IGFL2: variants seen among roughly 807,000 people sequenced by gnomAD.
The protein encoded by IGFL2 is insulin growth factor-like family member 2.
In IGFL2, 7 loss-of-function variants were observed where a neutral mutation model predicts 13.9. That is an observed-to-expected ratio of 0.51 (90% confidence interval 0.29 to 0.95). The LOEUF (loss-of-function observed/expected upper bound fraction) is 0.95. Among genes scored for constraint, IGFL2 ranks in the 40% least tolerant of loss-of-function variants. The pLI is 0.08. For missense variants in IGFL2, 138 were observed against 147.8 expected (o/e 0.93, Z 0.34); for synonymous variants, 55 against 55.8 (o/e 0.99, Z 0.07).
chr19:46,177,993 G>A, the IGFL2 span, among the ~76,000 whole-genome samples: 2 of 152,036 alleles, frequency 1.3e-5, no homozygotes. Context: ...AAAATAGAGA[G>A]CGTGGCCGGG....
At chr19:46,205,888 G>C in the IGFL2 span, among the ~76,000 whole-genome samples, 1 of 152,142 alleles carries the variant, frequency 6.6e-6, no homozygotes. Context: ...GCTGGGGCTT[G>C]AGTGGTTTGA....
chr19:46,154,454 T>C (rs1316813674), intron 1 of IGFL2, among the ~76,000 whole-genome samples: 1 of 152,090 alleles, frequency 6.6e-6, no homozygotes, highest in Non-Finnish European at 1.5e-5. Flanking sequence ...TTTTGTTTTG[T>C]TTTGTTTTTG....
At chr19:46,186,108 C>T in the IGFL2 span, among the ~76,000 whole-genome samples, 2 of 152,192 alleles carry the variant, frequency 1.3e-5, no homozygotes, top group African/African-American at 4.8e-5. Context: ...CTTTGCTTGG[C>T]AGGGCCCAGT....
chr19:46,161,191 G>A lies in IGFL2; in HGVS notation c.*103G>A, dbSNP rs1333162038. 3 of 821,300 alleles carry A rather than the reference G, an allele frequency of 3.7e-6. No homozygotes were observed. Among genetic ancestry groups the A allele is most frequent in the African/African-American group, 3.4e-5 (2 of 58,354 alleles). The allele number at this position is 821,300 out of a possible 1,614,324, so 50.9% of individuals were successfully genotyped here. ...AAGCCTGAGGAATTTACAAAATGAT[G>A]CAGCTCCAAGCCATTGTATGGCCCA... On this transcript the variant is annotated 3_prime_UTR_variant, in exon 4 of 4. Coordinates refer to ENST00000377693, the MANE Select transcript of IGFL2 (RefSeq NM_001135113.2).
At chr19:46,100,874 G>C in the IGFL2 span, among the ~76,000 whole-genome samples, 1 of 152,056 alleles carries the variant, frequency 6.6e-6, no homozygotes, top group Non-Finnish European at 1.5e-5. Context: ...TGTCTAGTTT[G>C]AGGCTGCTGA....
chr19:46,098,575 T>G, the IGFL2 span, among the ~76,000 whole-genome samples: 12 of 151,634 alleles, frequency 7.9e-5, no homozygotes, highest in East Asian at 2.1e-3. Flanking sequence ...GCCTCTTGGA[T>G]TCAAGTGATT....
chr19:46,087,745 C>T, the IGFL2 span, among the ~76,000 whole-genome samples: 11 of 152,312 alleles, frequency 7.2e-5, no homozygotes, highest in Non-Finnish European at 1.5e-4. Flanking sequence ...CATGACTGCC[C>T]CTCTACTGAT....
At chr19:46,132,667 AGAGAGGGAGG>A in the IGFL2 span, among the ~76,000 whole-genome samples, 33 of 141,204 alleles carry the variant, frequency 2.3e-4, no homozygotes, top group African/African-American at 7.6e-4. Flanking sequence ...CGATAGAGGG[AGAGAGGGAGG>A]GAGAGGGAGA....
downstream of IGFL2, among the ~76,000 whole-genome samples, chr19:46,163,469 G>A (rs1265486593): frequency 6.6e-6 from 1 of 152,218 alleles, no homozygotes; most frequent in Admixed American, 6.5e-5. Context: ...TCCCTGCCTG[G>A]TGATGAGCAG....
At chr19:46,079,228 C>T in the IGFL2 span, among the ~76,000 whole-genome samples, 1 of 152,262 alleles carries the variant, frequency 6.6e-6, no homozygotes, top group African/African-American at 2.4e-5. Flanking sequence ...CAGTTTCGGG[C>T]GTTCTGGACA....
chr19:46,091,203 T>G, the IGFL2 span, among the ~76,000 whole-genome samples: 1 of 152,244 alleles, frequency 6.6e-6, no homozygotes, highest in African/African-American at 2.4e-5. Context: ...TGCTCTGCCC[T>G]TCTTCCCAAA....
chr19:46,098,115 G>A, the IGFL2 span, among the ~76,000 whole-genome samples: 2,022 of 152,210 alleles, frequency 0.013, 31 homozygotes, highest in Middle Eastern at 0.027. Context: ...AAAGTCTCCC[G>A]CTATTATTGT....
upstream of IGFL2, chr19:46,143,182 T>G (rs1442184117): frequency 6.6e-6 from 1 of 152,374 alleles, no homozygotes; most frequent in Non-Finnish European, 1.5e-5. Flanking sequence ...GATGAAGACC[T>G]TTATGATGAT....
chr19:46,157,980 C>T (rs1053930949), intron 1 of IGFL2, among the ~76,000 whole-genome samples: 1 of 152,130 alleles, frequency 6.6e-6, no homozygotes, highest in African/African-American at 2.4e-5. Flanking sequence ...AATCGTGTTT[C>T]TTTATACCAA....
At chr19:46,155,430 A>C (rs1973767908) in intron 1 of IGFL2, among the ~76,000 whole-genome samples, 1 of 151,902 alleles carries the variant, frequency 6.6e-6, no homozygotes, top group South Asian at 2.1e-4. Context: ...ATGCCCTCAG[A>C]CTCTCGCTGC....
intron 1 of IGFL2, among the ~76,000 whole-genome samples, chr19:46,148,558 CT>C (rs1973266450): frequency 6.6e-6 from 1 of 152,194 alleles, no homozygotes; most frequent in Admixed American, 6.5e-5. Flanking sequence ...GTCCCAAAAT[CT>C]GCTCTGAGCT....
At chr19:46,125,747 C>A in the IGFL2 span, among the ~76,000 whole-genome samples, 2 of 152,158 alleles carry the variant, frequency 1.3e-5, no homozygotes, top group Non-Finnish European at 2.9e-5. Flanking sequence ...CTCTCCCCTA[C>A]CCCGGAACCT....
At chr19:46,123,359 A>G in the IGFL2 span, among the ~76,000 whole-genome samples, 1 of 150,910 alleles carries the variant, frequency 6.6e-6, no homozygotes, top group Admixed American at 6.6e-5. Flanking sequence ...TAATAAAAAT[A>G]TGCTCAAATT....
chr19:46,137,448 G>C, the IGFL2 span: 1 of 1,046,418 alleles, frequency 9.6e-7, no homozygotes, highest in Non-Finnish European at 1.5e-6. Context: ...TGCTCATACA[G>C]CCAATCTTGA....
Sources: gnomAD v4.1 joint callset for allele counts (sites outside exome capture counted in the v4.1 genomes callset) on GRCh38, gnomAD v4.1.1 for gene constraint, MANE v1.5 for transcripts, NCBI Gene and HGNC (gene_info 2026-07-23, HGNC 2026-07-21) for gene names.